The following KCNIP4 variants were observed in gnomAD, a reference collection of about 807,000 sequenced individuals.
KCNIP4 encodes Kv channel-interacting protein 4.
A neutral mutation model predicts 34.0 loss-of-function variants in KCNIP4; 12 were observed. The observed-to-expected ratio is 0.35, with a 90% CI of 0.23 to 0.57. The LOEUF is 0.57. KCNIP4 is among the 20% of genes least tolerant of loss of function. KCNIP4 has a pLI of 0.83. For synonymous variants in KCNIP4, 124 were observed against 102.2 expected (o/e 1.21, Z -1.29); for missense variants, 238 against 311.7 (o/e 0.76, Z 1.78).
At position 21,413,050 on chromosome 4, in the gene KCNIP4, T is replaced by G. The variant is rs986653558; in HGVS notation, c.62-530341A>C. Among the ~76,000 whole-genome samples the G allele has an allele frequency of 6.6e-5, 10 of 152,288 alleles. No individual in the cohort carries two copies. In the East Asian group the frequency reaches 1.9e-3, roughly 29 times the overall value. ...GCAGGACTGGCAAGTAGCCCATATA[T>G]ATGTCGATTCACTGATGGCATTTCC... On this transcript the variant is annotated intron_variant, in intron 1 of 8. Coordinates refer to ENST00000382152, the MANE Select transcript of KCNIP4 (RefSeq NM_025221.6).
At chr4:21,601,026 A>T (rs1456553177) in intron 1 of KCNIP4, among the ~76,000 whole-genome samples, 5 of 151,746 alleles carry the variant, frequency 3.3e-5, no homozygotes, top group Non-Finnish European at 7.4e-5. Context: ...TTAAACAAAC[A>T]AAACAAAAAA....
At chr4:21,801,215 G>C (rs780720629) in intron 1 of KCNIP4, among the ~76,000 whole-genome samples, 2 of 152,126 alleles carry the variant, frequency 1.3e-5, no homozygotes, top group Non-Finnish European at 2.9e-5. Context: ...GCAATAGAAG[G>C]TATTTGACAC....
At chr4:20,835,951 G>T (rs1263277728) in intron 3 of KCNIP4, among the ~76,000 whole-genome samples, 1 of 151,984 alleles carries the variant, frequency 6.6e-6, no homozygotes, top group Non-Finnish European at 1.5e-5. Context: ...TCACTTCTTT[G>T]TATCTCAACA....
chr4:21,818,035 C>T (rs1488973705), intron 1 of KCNIP4, among the ~76,000 whole-genome samples: 3 of 152,122 alleles, frequency 2.0e-5, no homozygotes, highest in Non-Finnish European at 4.4e-5. Context: ...TTTGTACCTA[C>T]TCCCTGTTCT....
chr4:20,760,557 C>A (rs975991512), intron 3 of KCNIP4, among the ~76,000 whole-genome samples: 2 of 152,108 alleles, frequency 1.3e-5, no homozygotes, highest in African/African-American at 4.8e-5. Context: ...ACAGTGTTAA[C>A]AGTTTCAATG....
chr4:21,822,880 G>T (rs1330796009), intron 1 of KCNIP4, among the ~76,000 whole-genome samples: 1 of 151,978 alleles, frequency 6.6e-6, no homozygotes, highest in East Asian at 1.9e-4. Context: ...ACCATGCCCA[G>T]CTAATTTTTG....
intron 4 of KCNIP4, among the ~76,000 whole-genome samples, chr4:20,754,498 T>G (rs530429141): frequency 6.6e-6 from 1 of 152,342 alleles, no homozygotes; most frequent in African/African-American, 2.4e-5. Flanking sequence ...GATCACATTC[T>G]TCCTTAGGAC....
At chr4:21,104,083 C>A (rs1445167896) in intron 1 of KCNIP4, among the ~76,000 whole-genome samples, 1 of 152,066 alleles carries the variant, frequency 6.6e-6, no homozygotes, top group Admixed American at 6.6e-5. Flanking sequence ...GATTTATAGT[C>A]CCTTGGGTAT....
At chr4:21,829,997 C>A (rs908785696) in intron 1 of KCNIP4, among the ~76,000 whole-genome samples, 3 of 152,006 alleles carry the variant, frequency 2.0e-5, no homozygotes. Flanking sequence ...TTTTATCTAT[C>A]AATAATTATT....
At chr4:20,899,631 C>G (rs1726947589) in intron 1 of KCNIP4, among the ~76,000 whole-genome samples, 1 of 152,174 alleles carries the variant, frequency 6.6e-6, no homozygotes, top group African/African-American at 2.4e-5. Context: ...AAGTCTTACA[C>G]TATTTGCAAC....
intron 1 of KCNIP4, among the ~76,000 whole-genome samples, chr4:21,663,972 T>C (rs769483630): frequency 3.0e-4 from 46 of 152,192 alleles, no homozygotes; most frequent in Non-Finnish European, 5.3e-4. Flanking sequence ...TGAGACAGAG[T>C]CTTGCTGTGT....
At chr4:21,542,486 TAAAATAGCGA>T (rs1737789521) in intron 1 of KCNIP4, among the ~76,000 whole-genome samples, 1 of 152,036 alleles carries the variant, frequency 6.6e-6, no homozygotes, top group Admixed American at 6.6e-5. Flanking sequence ...AAAATTTCAA[TAAAATAGCGA>T]AAAATATAAA....
At chr4:21,866,873 G>A (rs1158900265) in intron 1 of KCNIP4, among the ~76,000 whole-genome samples, 11 of 140,678 alleles carry the variant, frequency 7.8e-5, no homozygotes, top group African/African-American at 1.8e-4. Flanking sequence ...CCAGGTTCAC[G>A]CCATTCTCCT....
chr4:21,833,873 C>G (rs1361739613), intron 1 of KCNIP4, among the ~76,000 whole-genome samples: 4 of 152,106 alleles, frequency 2.6e-5, no homozygotes, highest in Admixed American at 2.0e-4. Flanking sequence ...GCTTGTTTTT[C>G]TCAGGTTTAT....
intron 5 of KCNIP4, among the ~76,000 whole-genome samples, chr4:20,738,488 G>A (rs978395701): frequency 1.3e-4 from 20 of 152,164 alleles, no homozygotes; most frequent in Non-Finnish European, 2.4e-4. Context: ...ATTCCAAGGG[G>A]AAGCCTGTAC....
chr4:20,974,565 C>T (rs1735295421), intron 1 of KCNIP4, among the ~76,000 whole-genome samples: 1 of 152,130 alleles, frequency 6.6e-6, no homozygotes, highest in African/African-American at 2.4e-5. Context: ...GCCAGTGGTT[C>T]TCAAGGCTGC....
intron 1 of KCNIP4, among the ~76,000 whole-genome samples, chr4:21,629,842 T>TTTATTTA: frequency 1.1e-5 from 1 of 92,300 alleles, no homozygotes; most frequent in South Asian, 3.9e-4. Flanking sequence ...TCCTTTTCTT[T>TTTATTTA]TTCTTTCTTT....
At chr4:21,117,161 T>C (rs997268942) in intron 1 of KCNIP4, among the ~76,000 whole-genome samples, 3 of 152,048 alleles carry the variant, frequency 2.0e-5, no homozygotes, top group African/African-American at 7.2e-5. Context: ...GCATGGTTGC[T>C]AGGATTTAAT....
At chr4:21,327,979 T>C (rs2109316978) in intron 1 of KCNIP4, among the ~76,000 whole-genome samples, 2 of 152,238 alleles carry the variant, frequency 1.3e-5, no homozygotes, top group African/African-American at 4.8e-5. Flanking sequence ...TGAATTAAGT[T>C]GTGTTTCCTC....
Sources: gnomAD v4.1 joint callset for allele counts (sites outside exome capture counted in the v4.1 genomes callset) on GRCh38, gnomAD v4.1.1 for gene constraint, MANE v1.5 for transcripts, NCBI Gene and HGNC (gene_info 2026-07-23, HGNC 2026-07-21) for gene names.